Variants in LRPPRC observed in about 807,000 individuals in gnomAD.
LRPPRC encodes leucine-rich PPR motif-containing protein, mitochondrial.
LRPPRC carries 120 observed loss-of-function variants against 180.3 expected under a neutral mutation model. The observed-to-expected ratio is 0.67, with a 90% CI of 0.57 to 0.77. The LOEUF (loss-of-function observed/expected upper bound fraction) is 0.77. Among genes scored for constraint, LRPPRC ranks in the 30% least tolerant of loss-of-function variants. LRPPRC has a pLI of 0.00. For synonymous variants in LRPPRC, 723 were observed against 600.0 expected, an observed-to-expected ratio of 1.21 and a Z score of -3.00; for missense variants, 2,012 against 1,657.2, an observed-to-expected ratio of 1.21 and a Z score of -3.72.
intron 2 of LRPPRC, 142 bp from the exon 3 acceptor site, chr2:43,980,090 T>A: frequency 1.3e-6 from 1 of 770,160 alleles, no homozygotes; most frequent in Non-Finnish European, 2.2e-6. Context: ...AAAAATCCTA[T>A]CCTAATGTAC....
At chr2:43,988,643 A>G (rs577721665) in intron 1 of LRPPRC, among the ~76,000 whole-genome samples, 1 of 152,172 alleles carries the variant, frequency 6.6e-6, no homozygotes, top group Non-Finnish European at 1.5e-5. Flanking sequence ...TTTGAGATGG[A>G]GTCTCGCTCT....
intron 14 of LRPPRC, among the ~76,000 whole-genome samples, chr2:43,952,711 T>G (rs1672952703): frequency 6.6e-6 from 1 of 152,188 alleles, no homozygotes; most frequent in Non-Finnish European, 1.5e-5. Context: ...TGTACGTATT[T>G]AAGTTCTTTG....
intron 25 of LRPPRC, among the ~76,000 whole-genome samples, chr2:43,926,691 GCT>G (rs1671891335): frequency 6.6e-6 from 1 of 152,108 alleles, no homozygotes; most frequent in Non-Finnish European, 1.5e-5. Context: ...TCATTTACAC[GCT>G]CTCTCTTGAA....
chr2:43,975,168 T>A lies in LRPPRC; in HGVS notation c.787A>T (p.Ile263Phe). 1 of 1,613,654 alleles carries A rather than the reference T, an allele frequency of 6.2e-7. No homozygotes were observed. Among genetic ancestry groups the A allele is most frequent in the Non-Finnish European group, 8.5e-7 (1 of 1,179,754 alleles). ...NILTVMRDAG[I>F]EPGPDTYLAL... ...AGGTATGTGTCTGGACCAGGCTCAA[T>A]TCCGGCATCTCTCATCACTGTGAGA... The change falls in exon 7 of 38, where the codon ATT (isoleucine) becomes TTT (phenylalanine). Residue 263 changes from isoleucine to phenylalanine, a missense_variant. By Grantham distance (21) the Ile-to-Phe change is conservative. Transcript: ENST00000260665.
At chr2:43,929,350 C>T (rs543888468) in intron 25 of LRPPRC, among the ~76,000 whole-genome samples, 1 of 152,244 alleles carries the variant, frequency 6.6e-6, no homozygotes, top group Non-Finnish European at 1.5e-5. Context: ...TACTTCGTTA[C>T]TTCTGTTTAC....
rs772133603 is a variant in LRPPRC at position 43,973,670 on chromosome 2, G to T, written c.1306C>A (p.Pro436Thr). The change falls in exon 11 of 38, where the codon CCT becomes ACT. Residue 436 changes from proline to threonine, a missense_variant. Transcript: ENST00000260665. Reference protein sequence around the residue: ...LMKAVKEEGFPIRPHYFWPLL... With the variant: ...LMKAVKEEGFTIRPHYFWPLL... ...GGCCAGAAATAGTGAGGTCTGATAG[G>T]AAAACCTTCCTCCTTCACAGCCTTC... 2 of 1,614,028 alleles carry T rather than the reference G, an allele frequency of 1.2e-6. No homozygotes were observed. The highest frequency in any genetic ancestry group is 1.7e-6 in the Non-Finnish European group (2 of 1,179,924).
intron 36 of LRPPRC, chr2:43,890,408 A>T (rs1391394303): frequency 2.2e-6 from 1 of 463,240 alleles, no homozygotes; most frequent in African/African-American, 2.0e-5. Context: ...AGCTACAATG[A>T]TACACACACA....
chr2:43,904,021 C>G (rs974091023), intron 31 of LRPPRC: 3 of 152,238 alleles, frequency 2.0e-5, no homozygotes, highest in African/African-American at 7.2e-5. Flanking sequence ...TGGCTCATGG[C>G]AGCCTCAACC....
chr2:43,993,666 C>A (rs1033046865), intron 1 of LRPPRC, among the ~76,000 whole-genome samples: 3 of 151,854 alleles, frequency 2.0e-5, no homozygotes, highest in African/African-American at 7.3e-5. Flanking sequence ...TTCTTTATTG[C>A]CTGCTGTCAC....
rs771826281 is a variant in LRPPRC, at chr2:43,948,147, C to A, written c.1895G>T (p.Ser632Ile). The A allele has an allele frequency of 7.5e-6, 12 of 1,605,494 alleles. No homozygotes were observed. The South Asian group carries it at 1.2e-4, about 16-fold the overall frequency. Residue 632 changes from serine to isoleucine, a missense_variant, in exon 18 of 38, where the codon AGC (serine) becomes ATC (isoleucine). Coordinates refer to ENST00000260665, the MANE Select transcript of LRPPRC (RefSeq NM_133259.4). Reference sequence around the variant, plus strand: ...CTTAATCAATTCAGGAACATGGTAGCTTTCCAGGAGATTACGAATGCCTCT... The same window carrying A: ...CTTAATCAATTCAGGAACATGGTAGATTTCCAGGAGATTACGAATGCCTCT... The part of the protein sequence containing the change: ...IYRGIRNLLE[S>I]YHVPELIKDA...
chr2:43,947,388 G>A lies in LRPPRC; in HGVS notation c.1966-18C>T, dbSNP rs774352786. On this transcript the variant is annotated intron_variant, in intron 19 of 37. Coordinates refer to ENST00000260665, the MANE Select transcript of LRPPRC (RefSeq NM_133259.4). ...TGCACAGTCTACAGAAAAGAAAAAA[G>A]AAAAGAAAAATTTCCTGAAAAAGGA... 3.8e-6 allele frequency: 5 copies of A among 1,310,286 alleles called. No homozygotes were observed. Among genetic ancestry groups the A allele is most frequent in the Non-Finnish European group, 3.3e-6 (3 of 906,742 alleles). 81.2% of individuals were successfully genotyped at this position (1,310,286 alleles called of 1,614,324 possible).
chr2:43,893,361 A>C (rs762573306), intron 36 of LRPPRC, among the ~76,000 whole-genome samples: 1 of 152,234 alleles, frequency 6.6e-6, no homozygotes. Flanking sequence ...ATCGCATACT[A>C]CAGAGAACTC....
intron 29 of LRPPRC, among the ~76,000 whole-genome samples, chr2:43,915,422 C>T (rs1040901495): frequency 1.3e-5 from 2 of 151,968 alleles, no homozygotes; most frequent in South Asian, 2.1e-4. Flanking sequence ...TGGTGGCTCA[C>T]GCCTGTAATC....
In LRPPRC at chr2:43,931,933, C is replaced by G. The variant is rs150004066; in HGVS notation, c.2736+2257G>C. 9.0e-4 allele frequency among the ~76,000 whole-genome samples: 136 copies of G among 151,922 alleles called. 3 individuals are homozygous for G. In the East Asian group the frequency reaches 0.017, roughly 19 times the overall value. On this transcript the variant is annotated intron_variant, in intron 25 of 37. Transcript: ENST00000260665. ...TCAGTCTTTCTCCCTTCCCTTCATT[C>G]TAGTCAAAGAGATAGACCTTTAAAA...
At chr2:43,989,289 A>C (rs1389484948) in intron 1 of LRPPRC, among the ~76,000 whole-genome samples, 1 of 152,206 alleles carries the variant, frequency 6.6e-6, no homozygotes, top group East Asian at 1.9e-4. Context: ...TTTTAGACTA[A>C]AAAAGCTACT....
At chr2:43,948,365 A>T in intron 17 of LRPPRC, 47 bp downstream of exon 17, 1 of 1,155,624 alleles carries the variant, frequency 8.7e-7, no homozygotes, top group Non-Finnish European at 1.3e-6. Flanking sequence ...TCTAATAGAT[A>T]CATGTCAGGC....
rs1029677480 is a variant in LRPPRC at position 43,925,013 on chromosome 2, G to A, written c.2896+54C>T. 1.3e-5 allele frequency: 13 copies of A among 1,037,168 alleles called. No individual in the cohort carries two copies. In the African/African-American group the frequency reaches 1.6e-4, roughly 12 times the overall value. The allele number at this position is 1,037,168 out of a possible 1,614,324, so 64.2% of individuals were successfully genotyped here. ...CCTCAAAACCAAATACTCCTTTCCT[G>A]CCACTGCCTTCAACAGAATAAATGA... is the stretch of plus-strand genomic sequence containing the variant. On this transcript the variant is annotated intron_variant, in intron 27 of 37. Coordinates refer to ENST00000260665, the MANE Select transcript of LRPPRC (RefSeq NM_133259.4).
intron 17 of LRPPRC, 46 bp downstream of exon 17, chr2:43,948,366 C>A (rs1337130905): frequency 8.6e-7 from 1 of 1,159,482 alleles, no homozygotes; most frequent in South Asian, 1.2e-5. Flanking sequence ...CTAATAGATA[C>A]ATGTCAGGCA....
chr2:43,939,789 T>C (rs1672412009), intron 23 of LRPPRC, among the ~76,000 whole-genome samples: 1 of 152,222 alleles, frequency 6.6e-6, no homozygotes, highest in African/African-American at 2.4e-5. Flanking sequence ...TAGCTGTCAC[T>C]TACTTTAAAA....
Sources: gnomAD v4.1 joint callset for allele counts (sites outside exome capture counted in the v4.1 genomes callset) on GRCh38, gnomAD v4.1.1 for gene constraint, MANE v1.5 for transcripts, NCBI Gene and HGNC (gene_info 2026-07-23, HGNC 2026-07-21) for gene names.